Variants in HNRNPK observed in about 807,000 individuals in gnomAD.
HNRNPK encodes heterogeneous nuclear ribonucleoprotein K.
Under a neutral mutation model 67.0 loss-of-function variants are expected in HNRNPK, and 7 were observed. That is an observed-to-expected ratio of 0.10 (90% confidence interval 0.06 to 0.20). The LOEUF is 0.20. Among genes scored for constraint, HNRNPK ranks in the 10% least tolerant of loss-of-function variants. The pLI is 1.00. For synonymous variants in HNRNPK, 213 were observed against 193.7 expected, an observed-to-expected ratio of 1.10 and a Z score of -0.83; for missense variants, 264 against 606.5, an observed-to-expected ratio of 0.44 and a Z score of 5.93.
intron 8 of HNRNPK, 44 bp downstream of exon 8, chr9:83,973,858 C>G: frequency 7.2e-7 from 1 of 1,388,902 alleles, no homozygotes; most frequent in Non-Finnish European, 1.0e-6. Context: ...ATCCTATGGG[C>G]CAGGCTCCAT....
intron 3 of HNRNPK, 104 bp downstream of exon 3, chr9:83,978,091 T>C (rs1588435830): frequency 1.3e-6 from 1 of 751,248 alleles, no homozygotes; most frequent in South Asian, 1.6e-5. Context: ...ACATAAACAG[T>C]AATACCAAAA....
chr9:83,977,102 T>C (rs749167373), intron 4 of HNRNPK, 51 bp from the exon 5 acceptor site: 4 of 1,253,584 alleles, frequency 3.2e-6, no homozygotes, highest in Admixed American at 1.7e-5. Flanking sequence ...CTAAAATTAA[T>C]AGCTACCTAC....
chr9:83,977,820 A>T (rs181441411), intron 3 of HNRNPK, 34 bp from the exon 4 acceptor site: 2 of 1,339,052 alleles, frequency 1.5e-6, no homozygotes, highest in Non-Finnish European at 1.1e-6. Context: ...CAAAGAAAGC[A>T]GCGAAGTCTC....
At chr9:83,977,152 T>C in intron 4 of HNRNPK, 101 bp from the exon 5 acceptor site, 2 of 802,918 alleles carry the variant, frequency 2.5e-6, no homozygotes, top group Non-Finnish European at 4.2e-6. Context: ...ACCTGTTTGT[T>C]ATAAGAATAA....
chr9:83,976,933 A>T (rs931010425), intron 5 of HNRNPK, 62 bp downstream of exon 5: 6 of 905,212 alleles, frequency 6.6e-6, no homozygotes, highest in Middle Eastern at 2.3e-4. Context: ...GTAAATCTTT[A>T]AATTTCTATA....
Position 83,974,597 on chromosome 9 carries a change from ACAC to A in HNRNPK, c.258-11_258-9del, listed in dbSNP as rs746080854. 6.3e-7 allele frequency: 1 copy of A among 1,591,532 alleles called. No homozygotes were observed. The highest frequency in any genetic ancestry group is 8.6e-7 in the Non-Finnish European group (1 of 1,163,454). Reference sequence around the variant, plus strand: ...GCACTGATACTCAATATGCTGTCAAACACCACAAATACCAGATAGTACAAAAAA... The same window carrying A: ...GCACTGATACTCAATATGCTGTCAAACACAAATACCAGATAGTACAAAAAA... On this transcript the variant is annotated splice_polypyrimidine_tract_variant and intron_variant, in intron 6 of 16. Transcript: ENST00000376263.
chr9:83,978,506 AT>A (rs1957177264), intron 1 of HNRNPK, 54 bp from the exon 2 acceptor site: 2 of 488,534 alleles, frequency 4.1e-6, no homozygotes, highest in Non-Finnish European at 6.2e-6. Flanking sequence ...ATTACTGAAT[AT>A]TTGTTTCCGA....
chr9:83,969,485 G>T (rs375224773), intron 16 of HNRNPK, 45 bp from the exon 17 acceptor site: 2 of 1,231,896 alleles, frequency 1.6e-6, no homozygotes, highest in Admixed American at 1.9e-5. Context: ...ATTTTTGCTC[G>T]TAACATCTTA....
intron 11 of HNRNPK, 30 bp from the exon 12 acceptor site, chr9:83,971,756 A>C: frequency 1.2e-6 from 2 of 1,606,040 alleles, no homozygotes; most frequent in Non-Finnish European, 1.7e-6. Context: ...TGTAATCTAA[A>C]CGTGCTTACA....
chr9:83,976,925 A>G (rs759107576), intron 5 of HNRNPK, 70 bp downstream of exon 5: 6 of 842,402 alleles, frequency 7.1e-6, no homozygotes, highest in Non-Finnish European at 1.2e-5. Flanking sequence ...TCTAGGATGT[A>G]AATCTTTAAA....
At chr9:83,974,807 G>A (rs1275371864) in intron 6 of HNRNPK, among the ~76,000 whole-genome samples, 1 of 152,184 alleles carries the variant, frequency 6.6e-6, no homozygotes, top group Non-Finnish European at 1.5e-5. Flanking sequence ...CAGAGAGACA[G>A]AGAGAATGGG....
rs879181327 is a variant in HNRNPK at position 83,968,274 on chromosome 9, CTTTTT to C, written c.*1128_*1132del. The C allele has an allele frequency of 6.9e-6, 1 of 145,228 alleles. No homozygotes were observed. The highest frequency in any genetic ancestry group is 1.5e-5 in the Non-Finnish European group (1 of 65,660). 9.0% of individuals were successfully genotyped at this position (145,228 alleles called of 1,614,324 possible). On this transcript the variant is annotated 3_prime_UTR_variant, in exon 17 of 17. Transcript: ENST00000376263. Reference sequence around the variant, plus strand: ...AAACATCCACAGGAACTTTTTTCATCTTTTTTTTTTTTGAATTGTACACAAACATT... The same window carrying C: ...AAACATCCACAGGAACTTTTTTCATCTTTTTTTGAATTGTACACAAACATT...
At chr9:83,971,500 CA>C in intron 12 of HNRNPK, 144 bp from the exon 13 acceptor site, 2 of 805,740 alleles carry the variant, frequency 2.5e-6, no homozygotes, top group Non-Finnish European at 4.2e-6. Context: ...GAACAAAGCT[CA>C]ATAAAGTCGT....
At chr9:83,972,391 CA>C in intron 10 of HNRNPK, 2 of 562,408 alleles carry the variant, frequency 3.6e-6, no homozygotes, top group Non-Finnish European at 6.2e-6. Context: ...AAATGCTAAA[CA>C]AAAGTGAGTT....
chr9:83,975,363 C>T (rs187467342), intron 6 of HNRNPK, 99 bp downstream of exon 6: 5 of 1,056,256 alleles, frequency 4.7e-6, no homozygotes, highest in African/African-American at 1.6e-5. Context: ...AACAATACAC[C>T]GTCTAAAGGG....
intron 3 of HNRNPK, 115 bp downstream of exon 3, chr9:83,978,080 T>A: frequency 1.4e-6 from 1 of 701,686 alleles, no homozygotes; most frequent in Non-Finnish European, 2.5e-6. Context: ...ATCGCAGAAT[T>A]ACATAAACAG....
intron 8 of HNRNPK, 147 bp from the exon 9 acceptor site, chr9:83,973,546 T>C (rs1199718695): frequency 1.6e-6 from 1 of 614,480 alleles, no homozygotes; most frequent in African/African-American, 1.9e-5. Context: ...GTGCTTATTA[T>C]CCTCAATAGC....
chr9:83,971,613 A>T (rs1956846236), intron 12 of HNRNPK, 59 bp downstream of exon 12: 1 of 1,367,644 alleles, frequency 7.3e-7, no homozygotes, highest in Non-Finnish European at 1.0e-6. Context: ...ACAAAACGTG[A>T]ACTACATTGT....
rs767261933 is a variant in HNRNPK, at chr9:83,971,686, G to C, written c.994C>G (p.Arg332Gly). ...AAAGTTCTTACCATGCCGTCGTAAC[G>C]GTCTCCAGGTCTCCCTCTTCTGTCA... ...AYDRRGRPGD[R>G]YDGMVGFSAD... The change falls in exon 12 of 17, where the codon CGT becomes GGT. Residue 332 changes from arginine to glycine, a missense_variant. This residue lies in a region of HNRNPK where 142 missense variants were observed against 256.5 expected (regional missense o/e 0.55). Coordinates refer to ENST00000376263, the MANE Select transcript of HNRNPK (RefSeq NM_031263.4). The C allele has an allele frequency of 6.2e-7, 1 of 1,613,550 alleles. No homozygotes were observed. The highest frequency in any genetic ancestry group is 1.3e-5 in the African/African-American group (1 of 74,886).
Sources: gnomAD v4.1 joint callset for allele counts (sites outside exome capture counted in the v4.1 genomes callset) on GRCh38, gnomAD v4.1.1 for gene constraint, gnomAD v4.1.1 regional missense constraint, MANE v1.5 for transcripts, NCBI Gene and HGNC (gene_info 2026-07-23, HGNC 2026-07-21) for gene names.